CALD1: variants seen among roughly 807,000 people sequenced by gnomAD.
CALD1 encodes the protein caldesmon 1, also known as caldesmon.
A neutral mutation model predicts 99.9 loss-of-function variants in CALD1; 33 were observed. That is an observed-to-expected ratio of 0.33 (90% CI 0.25 to 0.44). CALD1 has a LOEUF of 0.44. Among genes scored for constraint, CALD1 ranks in the 20% least tolerant of loss-of-function variants. The pLI is 1.00. For synonymous variants in CALD1, 310 were observed against 325.0 expected (o/e 0.95, Z 0.50); for missense variants, 861 against 962.1 (o/e 0.89, Z 1.39).
chr7:134,834,911 C>T (rs572552489), intron 1 of CALD1, among the ~76,000 whole-genome samples: 6 of 152,310 alleles, frequency 3.9e-5, no homozygotes, highest in African/African-American at 1.4e-4. Flanking sequence ...CAAAATGGTC[C>T]CCTGTGCATT....
chr7:134,919,982 A>G (rs1472228873), intron 3 of CALD1, among the ~76,000 whole-genome samples: 1 of 152,198 alleles, frequency 6.6e-6, no homozygotes, highest in Non-Finnish European at 1.5e-5. Flanking sequence ...GAATCCAAGG[A>G]AAAAAATTCA....
intron 1 of CALD1, among the ~76,000 whole-genome samples, chr7:134,766,574 G>C (rs557441686): frequency 6.6e-6 from 1 of 152,226 alleles, no homozygotes; most frequent in African/African-American, 2.4e-5. Context: ...TGTGTAAGTA[G>C]ATGAGCAGTT....
intron 3 of CALD1, among the ~76,000 whole-genome samples, chr7:134,897,607 G>T (rs1586237449): frequency 8.5e-5 from 13 of 152,072 alleles, no homozygotes; most frequent in Admixed American, 8.5e-4. Context: ...TGCCTTCAGG[G>T]CAGCTTAGGA....
intron 3 of CALD1, among the ~76,000 whole-genome samples, chr7:134,911,919 C>A (rs1803842754): frequency 6.6e-6 from 1 of 152,014 alleles, no homozygotes; most frequent in South Asian, 2.1e-4. Flanking sequence ...ATAACTGGAA[C>A]AACCACAGAG....
chr7:134,815,106 G>T (rs1002916876), intron 1 of CALD1, among the ~76,000 whole-genome samples: 9 of 152,148 alleles, frequency 5.9e-5, no homozygotes, highest in Admixed American at 2.6e-4. Context: ...TTTTGACTAG[G>T]TTGCTTGCTG....
intron 1 of CALD1, among the ~76,000 whole-genome samples, chr7:134,809,372 G>A (rs1162190969): frequency 1.3e-5 from 2 of 152,200 alleles, no homozygotes; most frequent in East Asian, 3.8e-4. Flanking sequence ...TGTCCTAGCT[G>A]TGAGAACTTA....
At chr7:134,722,368 G>A in the CALD1 span, among the ~76,000 whole-genome samples, 1 of 151,754 alleles carries the variant, frequency 6.6e-6, no homozygotes, top group Non-Finnish European at 1.5e-5. Flanking sequence ...ACTTTGTGCT[G>A]TGCATTCTGC....
chr7:134,913,050 A>G (rs962035670), intron 3 of CALD1, among the ~76,000 whole-genome samples: 5 of 152,162 alleles, frequency 3.3e-5, no homozygotes, highest in Admixed American at 1.3e-4. Context: ...GGATCACCTG[A>G]GGTTGGGAGT....
intron 4 of CALD1, among the ~76,000 whole-genome samples, chr7:134,930,239 G>T (rs772419997): frequency 1.1e-4 from 17 of 152,110 alleles, no homozygotes; most frequent in Non-Finnish European, 2.4e-4. Flanking sequence ...TTCAAAGAGG[G>T]CTTTTGCAGC....
intron 1 of CALD1, among the ~76,000 whole-genome samples, chr7:134,780,329 T>C (rs765724039): frequency 6.6e-6 from 1 of 152,148 alleles, no homozygotes; most frequent in Non-Finnish European, 1.5e-5. Context: ...CTAGCACTGG[T>C]TGGGTTAATG....
intron 1 of CALD1, among the ~76,000 whole-genome samples, chr7:134,791,546 G>A (rs1475283894): frequency 6.6e-6 from 1 of 152,182 alleles, no homozygotes. Context: ...GGGAGAAACA[G>A]AGGCATGAAC....
intron 1 of CALD1, among the ~76,000 whole-genome samples, chr7:134,801,713 G>C (rs1797948499): frequency 6.6e-6 from 1 of 152,064 alleles, no homozygotes; most frequent in African/African-American, 2.4e-5. Context: ...TTGACCTCTG[G>C]GGTCAGGGGA....
rs976200615 is a variant in CALD1 at position 134,959,417 on chromosome 7, G to A, written c.2062-557G>A. Among the ~76,000 whole-genome samples, 6 of 152,206 alleles carry A rather than the reference G, an allele frequency of 3.9e-5. No individual in the cohort carries two copies. In the East Asian group the frequency reaches 5.8e-4, roughly 15 times the overall value. On this transcript the variant is annotated intron_variant, in intron 11 of 14. Coordinates refer to ENST00000361675, the MANE Select transcript of CALD1 (RefSeq NM_033138.4). ...CCAAGTGTGGTGACTCATGCCTGTC[G>A]TCACAGCACTTCAGGAGGCCGAGGC...
chr7:134,950,644 A>T (rs1004646837), intron 9 of CALD1, 130 bp downstream of exon 9: 1 of 756,244 alleles, frequency 1.3e-6, no homozygotes, highest in Non-Finnish European at 2.1e-6. Context: ...TAATCTGTTC[A>T]GGCTGCTATA....
At chr7:134,752,566 T>C (rs961124560) in intron 1 of CALD1, among the ~76,000 whole-genome samples, 9 of 152,176 alleles carry the variant, frequency 5.9e-5, no homozygotes, top group South Asian at 2.1e-4. Flanking sequence ...ATGTACAGAG[T>C]TCAGGCTCGG....
intron 1 of CALD1, among the ~76,000 whole-genome samples, chr7:134,818,916 A>G (rs1798663334): frequency 6.6e-6 from 1 of 152,138 alleles, no homozygotes; most frequent in Non-Finnish European, 1.5e-5. Context: ...GTAATGGAAA[A>G]CTTTAGGAGG....
chr7:134,818,262 C>G lies in CALD1; in HGVS notation c.-129-25622C>G, dbSNP rs1317906436. Among the ~76,000 whole-genome samples, 3 of 152,142 alleles carry G rather than the reference C, an allele frequency of 2.0e-5. No individual in the cohort carries two copies. In the East Asian group the frequency reaches 5.8e-4, roughly 29 times the overall value. On this transcript the variant is annotated intron_variant, in intron 1 of 14. Transcript: ENST00000361675. ...AGCAAACCATAAATATGGAAGCACT[C>G]TCTTAAGGTCAACATTAAATCTGAT...
intron 3 of CALD1, among the ~76,000 whole-genome samples, chr7:134,889,379 C>T (rs1476654992): frequency 3.3e-5 from 5 of 152,192 alleles, no homozygotes; most frequent in Non-Finnish European, 5.9e-5. Context: ...CCTCTAACCA[C>T]AGCTGGAAAG....
chr7:134,890,385 C>T (rs1802094089), intron 3 of CALD1, among the ~76,000 whole-genome samples: 1 of 152,174 alleles, frequency 6.6e-6, no homozygotes, highest in South Asian at 2.1e-4. Context: ...GCTTTGGTGT[C>T]CTTGTCTGCG....
Sources: allele counts gnomAD v4.1 joint callset (sites outside exome capture counted in the v4.1 genomes callset), GRCh38; gene constraint gnomAD v4.1.1; transcripts MANE v1.5; gene names NCBI Gene and HGNC (gene_info 2026-07-23, HGNC 2026-07-21).